The following TBL1X variants were observed in gnomAD, a reference collection of about 807,000 sequenced individuals.
TBL1X encodes the protein F-box-like/WD repeat-containing protein TBL1X.
A neutral mutation model predicts 50.7 loss-of-function variants in TBL1X; 10 were observed. The observed-to-expected ratio is 0.20, with a 90% CI of 0.12 to 0.33. The LOEUF (loss-of-function observed/expected upper bound fraction) is 0.33, where lower values mean the gene tolerates loss of function less well. TBL1X is among the 10% of genes least tolerant of loss of function. The probability of loss-of-function intolerance (pLI) is 1.00; values close to 1 mark genes in which losing one functional copy is unlikely to be tolerated. For synonymous variants in TBL1X, 190 were observed against 214.7 expected, an observed-to-expected ratio of 0.88 and a Z score of 1.01; for missense variants, 340 against 504.4, an observed-to-expected ratio of 0.67 and a Z score of 3.12.
chrX:9,697,258 G>A, intron 11 of TBL1X, 111 bp from the exon 12 acceptor site: 1 of 993,638 alleles, frequency 1.0e-6, no homozygotes, highest in Non-Finnish European at 1.4e-6. Context: ...ATCTCTATTG[G>A]ACAGTGCCGG....
chrX:9,474,736 G>T (rs1033762401), intron 1 of TBL1X, among the ~76,000 whole-genome samples: 1 of 112,782 alleles, frequency 8.9e-6, no homozygotes, highest in Non-Finnish European at 1.9e-5. Flanking sequence ...TTTCATTGAC[G>T]GATGCCCTCA....
chrX:9,482,663 A>C (rs1166510015), intron 1 of TBL1X, among the ~76,000 whole-genome samples: 1 of 110,632 alleles, frequency 9.0e-6, no homozygotes, highest in African/African-American at 3.3e-5. Context: ...CCCTGCAACT[A>C]TGCCCCCTGT....
At chrX:9,657,269 C>T (rs1021608919) in intron 5 of TBL1X, among the ~76,000 whole-genome samples, 2 of 112,338 alleles carry the variant, frequency 1.8e-5, no homozygotes, top group Non-Finnish European at 3.8e-5. Context: ...TGCTGGAACA[C>T]TCAACCCCAC....
At chrX:9,550,510 G>C (rs764086356) in intron 2 of TBL1X, among the ~76,000 whole-genome samples, 1 of 111,930 alleles carries the variant, frequency 8.9e-6, no homozygotes, top group African/African-American at 3.2e-5. Context: ...AAGCAACTTT[G>C]ATTTTTATTA....
intron 5 of TBL1X, among the ~76,000 whole-genome samples, chrX:9,669,992 G>A (rs1367018072): frequency 9.0e-6 from 1 of 111,681 alleles, no homozygotes; most frequent in East Asian, 2.8e-4. Flanking sequence ...GAAAAATTTA[G>A]TTTATAGTTT....
chrX:9,684,065 G>A lies in TBL1X; in HGVS notation c.234G>A (p.Thr78=), dbSNP rs762426831. Residue 78 remains threonine, a synonymous_variant, in exon 6 of 18, where the codon ACG becomes ACA. Transcript: ENST00000645353. ...CAGGTTTTTCCCACTCGGCTTTCACGTTTGGGATTGAGAGCCACATCAGCC... is the reference window on the plus strand; with the variant it reads ...CAGGTTTTTCCCACTCGGCTTTCACATTTGGGATTGAGAGCCACATCAGCC... ...QESGFSHSAF[T]FGIESHISQS... is the part of the protein sequence containing the mutation. 18 of 1,211,652 alleles carry A rather than the reference G, an allele frequency of 1.5e-5. No individual in the cohort carries two copies. In the South Asian group the frequency reaches 2.5e-4, roughly 17 times the overall value.
chrX:9,650,156 A>G (rs774389327), intron 3 of TBL1X, among the ~76,000 whole-genome samples: 27 of 112,084 alleles, frequency 2.4e-4, no homozygotes, highest in Non-Finnish European at 4.3e-4. Flanking sequence ...TTACTTTATA[A>G]ATGGAGTTCA....
chrX:9,651,937 G>A (rs754641426), intron 3 of TBL1X, among the ~76,000 whole-genome samples: 2 of 112,559 alleles, frequency 1.8e-5, no homozygotes, highest in South Asian at 3.6e-4. Context: ...ACGACCACAC[G>A]TTTAGCAGCT....
At chrX:9,507,511 A>G (rs922096239) in intron 2 of TBL1X, among the ~76,000 whole-genome samples, 5 of 112,190 alleles carry the variant, frequency 4.5e-5, no homozygotes, top group Non-Finnish European at 9.4e-5. Flanking sequence ...AAAGGGCCAT[A>G]TTGCCCAAAG....
intron 2 of TBL1X, among the ~76,000 whole-genome samples, chrX:9,617,661 CATT>C (rs2082645907): frequency 8.9e-6 from 1 of 111,816 alleles, no homozygotes; most frequent in Admixed American, 9.5e-5. Context: ...AAAACAGAAA[CATT>C]AATGCATTAG....
chrX:9,688,197 G>T lies in TBL1X; in HGVS notation c.538G>T (p.Ala180Ser). Residue 180 changes from alanine (A) to serine (S), a missense_variant, in exon 7 of 18, where the codon GCC becomes TCC. Transcript: ENST00000645353. ...AAATAATTTS[A>S]GVSHQNPSKN... ...AGCGACAGCAGCCACCACGACCTCA[G>T]CCGGCGTTTCCCACCAAAATCCATC... 8.3e-7 allele frequency: 1 copy of T among 1,198,539 alleles called. No individual in the cohort carries two copies. Among genetic ancestry groups the T allele is most frequent in the Non-Finnish European group, 1.1e-6 (1 of 888,768 alleles).
At chrX:9,702,090 T>G (rs771377609) in intron 12 of TBL1X, among the ~76,000 whole-genome samples, 1 of 111,214 alleles carries the variant, frequency 9.0e-6, no homozygotes, top group Non-Finnish European at 1.9e-5. Flanking sequence ...CAATTGATGG[T>G]TAGTATTCAG....
chrX:9,689,621 C>T (rs3788939), intron 7 of TBL1X, among the ~76,000 whole-genome samples: 38,454 of 110,417 alleles, frequency 0.35, 5,338 homozygotes, highest in South Asian at 0.46. Context: ...AACCCTGCAT[C>T]TTGTGCCTGA....
intron 2 of TBL1X, among the ~76,000 whole-genome samples, chrX:9,549,926 CCTT>C (rs2082262928): frequency 9.0e-6 from 1 of 111,680 alleles, no homozygotes; most frequent in Non-Finnish European, 1.9e-5. Context: ...GTCACTGGCA[CCTT>C]CTGCTCAGCT....
In TBL1X at chrX:9,691,728, G is replaced by C. The variant is rs201211593; in HGVS notation, c.749+17G>C. ...AGCCTCCGGGTAAGGATGTCAGGGTGGGGGGCGCTCCAGAGTTGGGGAGAT... is the reference window on the plus strand; with the variant it reads ...AGCCTCCGGGTAAGGATGTCAGGGTCGGGGGCGCTCCAGAGTTGGGGAGAT... On this transcript the variant is annotated intron_variant, in intron 8 of 17. Transcript: ENST00000645353. 10,243 of 1,138,593 alleles carry C rather than the reference G, an allele frequency of 9.0e-3. 50 individuals carry two copies. The highest frequency in any genetic ancestry group is 9.5e-3 in the Non-Finnish European group (8,176 of 860,152). 93.8% of individuals were successfully genotyped at this position (1,138,593 alleles called of 1,213,427 possible). A position where few individuals can be genotyped will look rare whatever the true frequency, so the allele number is the denominator to read the frequency against.
chrX:9,467,384 C>A lies in TBL1X; in HGVS notation c.-201+1937C>A, dbSNP rs112779358. Among the ~76,000 whole-genome samples the A allele has an allele frequency of 8.5e-3, 958 of 112,278 alleles. 12 individuals are homozygous for A. The highest frequency in any genetic ancestry group is 0.03 in the African/African-American group (923 of 30,956). On this transcript the variant is annotated intron_variant, in intron 1 of 17. Coordinates refer to ENST00000645353, the MANE Select transcript of TBL1X (RefSeq NM_005647.4). ...GTCCAGATTCCGGTGCTCTGCCCCG[C>A]AGCAGTGCCCTGTGGGCCTCCTGGC...
intron 2 of TBL1X, among the ~76,000 whole-genome samples, chrX:9,508,944 G>A (rs2082039833): frequency 9.1e-6 from 1 of 110,049 alleles, no homozygotes; most frequent in Non-Finnish European, 1.9e-5. Flanking sequence ...GGGGAGTGGG[G>A]ATGAGAGGAG....
intron 2 of TBL1X, among the ~76,000 whole-genome samples, chrX:9,578,065 C>T (rs765635595): frequency 1.8e-5 from 2 of 111,844 alleles, no homozygotes; most frequent in African/African-American, 3.2e-5. Context: ...CCACCAGCAT[C>T]GCTGTGGGTT....
At chrX:9,498,464 C>T (rs1473555068) in intron 1 of TBL1X, among the ~76,000 whole-genome samples, 1 of 112,361 alleles carries the variant, frequency 8.9e-6, no homozygotes, top group African/African-American at 3.2e-5. Flanking sequence ...ATCTGCTTTC[C>T]CTGACAGCTC....
Sources: gnomAD v4.1 joint callset for allele counts (sites outside exome capture counted in the v4.1 genomes callset) on GRCh38, gnomAD v4.1.1 for gene constraint, MANE v1.5 for transcripts, NCBI Gene and HGNC (gene_info 2026-07-23, HGNC 2026-07-21) for gene names.